DMXL2: variants seen among roughly 807,000 people sequenced by gnomAD.
DMXL2 encodes Dmx like 2, also known as dmX-like protein 2.
A neutral mutation model predicts 331.1 loss-of-function variants in DMXL2; 103 were observed. The ratio of observed to expected loss-of-function variants is 0.31; its 90% confidence interval spans 0.27 to 0.37. The LOEUF (loss-of-function observed/expected upper bound fraction) is 0.37, where lower values mean the gene tolerates loss of function less well. Among genes scored for constraint, DMXL2 ranks in the 10% least tolerant of loss-of-function variants. The probability of loss-of-function intolerance (pLI) is 1.00; values close to 1 mark genes in which losing one functional copy is unlikely to be tolerated. For synonymous variants in DMXL2, 1,281 were observed against 1,252.1 expected (o/e 1.02, Z -0.49); for missense variants, 3,171 against 3,642.9 (o/e 0.87, Z 3.33).
Position 51,536,416 on chromosome 15 carries a change from T to A in DMXL2, c.2064A>T (p.Lys688Asn). 1 of 1,613,968 alleles carries A rather than the reference T, an allele frequency of 6.2e-7. No individual in the cohort carries two copies. The highest frequency in any genetic ancestry group is 1.7e-4 in the Middle Eastern group (1 of 6,060). ...ELDCQWDSDNKLSRLMDPVKH... is the reference protein window; with the variant it reads ...ELDCQWDSDNNLSRLMDPVKH... The stretch of plus-strand genomic sequence containing the variant: ...TTACAGGGTCCATTAATCTACTTAA[T>A]TTATTGTCTGAGTCCCACTGACAAT... The change falls in exon 12 of 44, where the codon AAA becomes AAT. Residue 688 changes from lysine (K) to asparagine (N), a missense_variant. Lys to Asn is a moderately conservative substitution (Grantham distance 94, BLOSUM62 0). This residue lies in a region of DMXL2 where 1,674 missense variants were observed against 1,780.2 expected (regional missense o/e 0.94). Transcript: ENST00000560891.
chr15:51,568,470 T>G lies in DMXL2; in HGVS notation c.285+17A>C. 1 of 1,440,334 alleles carries G rather than the reference T, an allele frequency of 6.9e-7. No homozygotes were observed. Among genetic ancestry groups the G allele is most frequent in the Non-Finnish European group, 9.5e-7 (1 of 1,055,366 alleles). The allele number at this position is 1,440,334 out of a possible 1,614,324, so 89.2% of individuals were successfully genotyped here. On this transcript the variant is annotated intron_variant, in intron 3 of 43. Coordinates refer to ENST00000560891, the MANE Select transcript of DMXL2 (RefSeq NM_001378457.1). ...TAACTAGATTCTAAAAGTATTCTAT[T>G]ATTGGTTAATACTTACACAATTTCT... is the stretch of plus-strand genomic sequence containing the variant.
At chr15:51,610,505 A>T (rs1333344522) in intron 1 of DMXL2, among the ~76,000 whole-genome samples, 1 of 152,212 alleles carries the variant, frequency 6.6e-6, no homozygotes, top group African/African-American at 2.4e-5. Flanking sequence ...ACGGTGGCTC[A>T]CGCCTGTAAT....
At chr15:51,453,411 C>G (rs887321244) in intron 41 of DMXL2, 139 bp downstream of exon 41, 1 of 554,486 alleles carries the variant, frequency 1.8e-6, no homozygotes, top group Non-Finnish European at 3.0e-6. Context: ...AAAAAACACT[C>G]TGAAATAAGA....
intron 1 of DMXL2, among the ~76,000 whole-genome samples, chr15:51,610,253 T>C (rs954463369): frequency 2.6e-5 from 4 of 152,106 alleles, no homozygotes; most frequent in African/African-American, 9.7e-5. Context: ...AATTTTAAAC[T>C]TGTAAGCACA....
chr15:51,577,562 T>C (rs2051132405), intron 1 of DMXL2, among the ~76,000 whole-genome samples: 1 of 152,206 alleles, frequency 6.6e-6, no homozygotes, highest in African/African-American at 2.4e-5. Context: ...GACTTGGTTA[T>C]ACCATGAATT....
chr15:51,491,579 T>G lies in DMXL2; in HGVS notation c.4952A>C (p.Lys1651Thr), dbSNP rs1470943841. Reference protein sequence around the residue: ...NINTLRRCIEKVAKASFQRNN... With the variant: ...NINTLRRCIETVAKASFQRNN... The stretch of plus-strand genomic sequence containing the variant: ...CAAAATCCACTAAAGAAAAGTTACC[T>G]TTTCAATGCATCTTCGAAGCGTGTT... The change falls in exon 20 of 44, where the codon AAG becomes ACG. Residue 1651 changes from lysine to threonine, a missense_variant and splice_region_variant. Lys to Thr is a moderately conservative substitution (Grantham distance 78). Transcript: ENST00000560891. The G allele has an allele frequency of 6.3e-7, 1 of 1,591,238 alleles. No homozygotes were observed. Among genetic ancestry groups the G allele is most frequent in the South Asian group, 1.2e-5 (1 of 85,492 alleles).
Position 51,498,863 on chromosome 15 carries a change from T to C in DMXL2, c.4361A>G (p.Gln1454Arg). 1 of 1,614,200 alleles carries C rather than the reference T, an allele frequency of 6.2e-7. No homozygotes were observed. The highest frequency in any genetic ancestry group is 8.5e-7 in the Non-Finnish European group (1 of 1,180,000). Residue 1454 changes from glutamine (Q) to arginine (R), a missense_variant, in exon 18 of 44, where the codon CAG becomes CGG. Coordinates refer to ENST00000560891, the MANE Select transcript of DMXL2 (RefSeq NM_001378457.1). The stretch of plus-strand genomic sequence containing the variant: ...ACTTACTGTCTGATCTTCATAGCTC[T>C]GTGGTATCTTTGTACTTTCTTCTGA... ...RISEESTKIP[Q>R]SYEDQTVSQP...
intron 1 of DMXL2, among the ~76,000 whole-genome samples, chr15:51,618,729 G>A (rs1221800479): frequency 4.6e-5 from 7 of 152,032 alleles, no homozygotes; most frequent in Non-Finnish European, 1.0e-4. Flanking sequence ...TTTATCCTTC[G>A]TATTATGCCA....
chr15:51,477,628 T>C (rs1487046954), intron 26 of DMXL2, among the ~76,000 whole-genome samples: 1 of 152,118 alleles, frequency 6.6e-6, no homozygotes, highest in Non-Finnish European at 1.5e-5. Context: ...AATGTGAATC[T>C]ACTATTATAA....
chr15:51,563,370 T>C lies in DMXL2; in HGVS notation c.567+11A>G, dbSNP rs2050083942. 1 of 1,587,962 alleles carries C rather than the reference T, an allele frequency of 6.3e-7. No individual in the cohort carries two copies. Among genetic ancestry groups the C allele is most frequent in the Non-Finnish European group, 8.6e-7 (1 of 1,162,566 alleles). Reference sequence around the variant, plus strand: ...TTTGTTTATTTCGTATGTTTTTGTTTGATCCTTTACCTTTCCAGCAGTAGC... The same window carrying C: ...TTTGTTTATTTCGTATGTTTTTGTTCGATCCTTTACCTTTCCAGCAGTAGC... On this transcript the variant is annotated intron_variant, in intron 6 of 43. Coordinates refer to ENST00000560891, the MANE Select transcript of DMXL2 (RefSeq NM_001378457.1).
At chr15:51,514,350 G>C in intron 15 of DMXL2, 92 bp downstream of exon 15, 2 of 716,826 alleles carry the variant, frequency 2.8e-6, no homozygotes, top group Non-Finnish European at 4.5e-6. Context: ...AATTATGAGA[G>C]TGGTAACTTT....
At chr15:51,453,411 C>A in intron 41 of DMXL2, 139 bp downstream of exon 41, 1 of 555,374 alleles carries the variant, frequency 1.8e-6, no homozygotes, top group Non-Finnish European at 3.0e-6. Context: ...AAAAAACACT[C>A]TGAAATAAGA....
chr15:51,493,046 TG>T (rs1344974217), intron 19 of DMXL2, among the ~76,000 whole-genome samples: 1 of 152,206 alleles, frequency 6.6e-6, no homozygotes, highest in Non-Finnish European at 1.5e-5. Flanking sequence ...CAACTGTGTT[TG>T]TAATCATACC....
At chr15:51,471,641 G>A (rs2041118885) in intron 28 of DMXL2, among the ~76,000 whole-genome samples, 1 of 152,150 alleles carries the variant, frequency 6.6e-6, no homozygotes, top group African/African-American at 2.4e-5. Context: ...AAGGATTAAA[G>A]TAATTCTATA....
chr15:51,568,949 C>T (rs904392647), intron 2 of DMXL2, among the ~76,000 whole-genome samples: 6 of 152,032 alleles, frequency 3.9e-5, no homozygotes, highest in African/African-American at 7.2e-5. Flanking sequence ...GGGTACAGCC[C>T]GCAGAGGTTG....
intron 15 of DMXL2, 41 bp from the exon 16 acceptor site, chr15:51,507,294 T>C: frequency 6.4e-7 from 1 of 1,559,150 alleles, no homozygotes; most frequent in Non-Finnish European, 8.7e-7. Flanking sequence ...TAGTATGTTT[T>C]TATGGGGTTA....
intron 8 of DMXL2, among the ~76,000 whole-genome samples, chr15:51,543,770 A>C (rs2048737858): frequency 6.6e-6 from 1 of 152,142 alleles, no homozygotes; most frequent in South Asian, 2.1e-4. Flanking sequence ...AATAATATTA[A>C]TAAAAGACAG....
chr15:51,580,217 T>C (rs1243965111), intron 1 of DMXL2, among the ~76,000 whole-genome samples: 2 of 152,192 alleles, frequency 1.3e-5, no homozygotes, highest in Non-Finnish European at 2.9e-5. Context: ...TTTTGTTCCA[T>C]TCTTTTTCAG....
chr15:51,517,249 G>A, intron 13 of DMXL2, 82 bp from the exon 14 acceptor site: 1 of 991,890 alleles, frequency 1.0e-6, no homozygotes, highest in Non-Finnish European at 1.6e-6. Context: ...GGACATTTAA[G>A]GCCCCCTCTA....
Sources: allele counts gnomAD v4.1 joint callset (sites outside exome capture counted in the v4.1 genomes callset), GRCh38; gene constraint gnomAD v4.1.1; regional missense constraint gnomAD v4.1.1; transcripts MANE v1.5; gene names NCBI Gene and HGNC (gene_info 2026-07-23, HGNC 2026-07-21).